GPHN: variants seen among roughly 807,000 people sequenced by gnomAD.
The protein encoded by GPHN is gephyrin.
Under a neutral mutation model 95.5 loss-of-function variants are expected in GPHN, and 17 were observed. The observed-to-expected ratio is 0.18, with a 90% CI of 0.12 to 0.27. The LOEUF (loss-of-function observed/expected upper bound fraction) is 0.27, where lower values mean the gene tolerates loss of function less well. Among genes scored for constraint, GPHN ranks in the 10% least tolerant of loss-of-function variants. The pLI is 1.00. For missense variants in GPHN, 660 were observed against 978.1 expected (o/e 0.67, Z 4.34); for synonymous variants, 320 against 322.5 (o/e 0.99, Z 0.08).
At chr14:67,010,783 C>A (rs1391980417) in intron 9 of GPHN, among the ~76,000 whole-genome samples, 1 of 151,992 alleles carries the variant, frequency 6.6e-6, no homozygotes, top group Admixed American at 6.6e-5. Flanking sequence ...CACAGCAAAG[C>A]CACCTGAAGC....
chr14:67,358,881 A>G, the GPHN span, among the ~76,000 whole-genome samples: 1 of 152,368 alleles, frequency 6.6e-6, no homozygotes, highest in East Asian at 1.9e-4. Flanking sequence ...AACTGAGCGT[A>G]TTCCCAAGCA....
the GPHN span, chr14:67,269,672 A>G: frequency 6.6e-6 from 1 of 152,564 alleles, no homozygotes; most frequent in African/African-American, 2.4e-5. Flanking sequence ...TGTACATTTG[A>G]TCAATTGTCT....
At chr14:67,422,000 T>G in the GPHN span, among the ~76,000 whole-genome samples, 1 of 152,170 alleles carries the variant, frequency 6.6e-6, no homozygotes, top group Non-Finnish European at 1.5e-5. Context: ...TTGCAATGTT[T>G]TGACATCTTA....
chr14:66,702,767 C>T (rs1018611127), intron 2 of GPHN, among the ~76,000 whole-genome samples: 18 of 152,034 alleles, frequency 1.2e-4, no homozygotes, highest in African/African-American at 4.3e-4. Flanking sequence ...ATTATAACAA[C>T]AGCAAGGAAC....
At chr14:66,976,545 T>G (rs934329070) in intron 9 of GPHN, among the ~76,000 whole-genome samples, 13 of 152,164 alleles carry the variant, frequency 8.5e-5, no homozygotes, top group Admixed American at 8.5e-4. Flanking sequence ...GGATACATAT[T>G]CTAAAATTAG....
intron 1 of GPHN, among the ~76,000 whole-genome samples, chr14:66,638,592 T>C (rs1355339963): frequency 1.3e-5 from 2 of 152,148 alleles, no homozygotes; most frequent in Admixed American, 1.3e-4. Flanking sequence ...GTCCAAAATA[T>C]TGCATGATCT....
At chr14:67,526,535 G>A in the GPHN span, among the ~76,000 whole-genome samples, 3 of 152,222 alleles carry the variant, frequency 2.0e-5, no homozygotes, top group Non-Finnish European at 2.9e-5. Context: ...ACATCTCAGT[G>A]TTCTAGCCCC....
intron 11 of GPHN, among the ~76,000 whole-genome samples, chr14:67,074,183 T>C (rs978155707): frequency 1.5e-5 from 2 of 132,278 alleles, no homozygotes; most frequent in Non-Finnish European, 3.0e-5. Flanking sequence ...TTTGCAGATA[T>C]TCCTTTTTTT....
the GPHN span, among the ~76,000 whole-genome samples, chr14:67,618,737 C>T: frequency 4.9e-3 from 742 of 152,242 alleles, 35 homozygotes; most frequent in East Asian, 0.082. Context: ...TGGGACCACA[C>T]TTTCAGAACC....
chr14:66,678,862 T>A (rs1046083354), intron 1 of GPHN, among the ~76,000 whole-genome samples: 2 of 152,220 alleles, frequency 1.3e-5, no homozygotes, highest in Non-Finnish European at 2.9e-5. Flanking sequence ...GTCTGCAGTT[T>A]CCCTAGGGCG....
At chr14:66,697,641 T>G (rs1023539590) in intron 2 of GPHN, among the ~76,000 whole-genome samples, 3 of 151,696 alleles carry the variant, frequency 2.0e-5, no homozygotes, top group Non-Finnish European at 4.4e-5. Context: ...GATCCACAGG[T>G]CAAATCTGGC....
intron 11 of GPHN, among the ~76,000 whole-genome samples, chr14:67,070,715 A>AAAAAATATATAT: frequency 1.3e-3 from 106 of 80,676 alleles, no homozygotes; most frequent in Middle Eastern, 5.6e-3. Flanking sequence ...AAAAAAAAAA[A>AAAAAATATATAT]ATATATATAT....
chr14:66,512,926 G>A (rs764111049), intron 1 of GPHN, among the ~76,000 whole-genome samples: 2 of 151,700 alleles, frequency 1.3e-5, no homozygotes, highest in Admixed American at 6.6e-5. Flanking sequence ...ATGTCATTAA[G>A]TAGGCAAATT....
chr14:67,069,559 A>G (rs767816928), intron 11 of GPHN, among the ~76,000 whole-genome samples: 3 of 152,286 alleles, frequency 2.0e-5, no homozygotes, highest in Admixed American at 1.3e-4. Context: ...CAAAACTTAA[A>G]GGTTCCTTGA....
chr14:67,593,970 C>A, the GPHN span: 5 of 1,562,386 alleles, frequency 3.2e-6, no homozygotes, highest in South Asian at 5.6e-5. Flanking sequence ...GAGAGCCAGA[C>A]ACAGACAGTA....
chr14:66,605,425 T>C (rs1213781804), intron 1 of GPHN, among the ~76,000 whole-genome samples: 1 of 152,196 alleles, frequency 6.6e-6, no homozygotes, highest in African/African-American at 2.4e-5. Flanking sequence ...TGTTGTAGTT[T>C]TGATTTGCAT....
intron 18 of GPHN, among the ~76,000 whole-genome samples, chr14:67,144,530 G>T (rs1229688599): frequency 6.6e-6 from 1 of 151,738 alleles, no homozygotes; most frequent in East Asian, 1.9e-4. Flanking sequence ...TGTTTTGCCA[G>T]CTGATAATCC....
chr14:67,407,289 T>G, the GPHN span, among the ~76,000 whole-genome samples: 1 of 151,854 alleles, frequency 6.6e-6, no homozygotes, highest in Non-Finnish European at 1.5e-5. Context: ...ACCTGGCTAA[T>G]TTTTTGTATT....
intron 8 of GPHN, among the ~76,000 whole-genome samples, chr14:66,936,950 C>T (rs978691583): frequency 6.6e-6 from 1 of 152,184 alleles, no homozygotes; most frequent in African/African-American, 2.4e-5. Flanking sequence ...ATGAAAAGTA[C>T]AGATAACTCA....
Sources: allele counts gnomAD v4.1 joint callset (sites outside exome capture counted in the v4.1 genomes callset), GRCh38; gene constraint gnomAD v4.1.1; transcripts MANE v1.5; gene names NCBI Gene and HGNC (gene_info 2026-07-23, HGNC 2026-07-21).